Variants in NOS2 observed in about 807,000 individuals in gnomAD.
The protein encoded by NOS2 is nitric oxide synthase 2, also known as nitric oxide synthase, inducible.
Under a neutral mutation model 136.0 loss-of-function variants are expected in NOS2, and 96 were observed. The observed-to-expected ratio is 0.71, with a 90% CI of 0.60 to 0.84. NOS2 has a LOEUF of 0.84. Ranked by LOEUF, NOS2 falls within the 40% of genes least tolerant of loss-of-function variation. The probability of loss-of-function intolerance (pLI) is 0.00; values close to 1 mark genes in which losing one functional copy is unlikely to be tolerated. For synonymous variants in NOS2, 539 were observed against 587.5 expected, an observed-to-expected ratio of 0.92 and a Z score of 1.20; for missense variants, 1,237 against 1,496.9, an observed-to-expected ratio of 0.83 and a Z score of 2.87.
rs139747007 is a variant in NOS2 at position 27,783,016 on chromosome 17, G to A, written c.558C>T (p.Leu186=). ...GCCAGGCCTGCTTGGTGGCGAAGATGAGCTCATCTCCCGTCAGTTGGTAGG... is the reference window on the plus strand; with the variant it reads ...GCCAGGCCTGCTTGGTGGCGAAGATAAGCTCATCTCCCGTCAGTTGGTAGG... ...TGTYQLTGDE[L]IFATKQAWRN... The change falls in exon 6 of 27, where the codon CTC becomes CTT. Residue 186 remains leucine (L), a synonymous_variant. Transcript: ENST00000313735. The A allele has an allele frequency of 3.6e-5, 58 of 1,614,082 alleles. No individual in the cohort carries two copies. The African/African-American group carries it at 7.5e-4, about 21-fold the overall frequency.
intron 2 of NOS2, among the ~76,000 whole-genome samples, chr17:27,791,135 T>C (rs1359479269): frequency 6.6e-6 from 1 of 152,236 alleles, no homozygotes; most frequent in Non-Finnish European, 1.5e-5. Context: ...GATTTTTTAC[T>C]ATAAAGAGAT....
chr17:27,793,960 G>A (rs1415627323), intron 2 of NOS2, among the ~76,000 whole-genome samples: 1 of 152,252 alleles, frequency 6.6e-6, no homozygotes, highest in Non-Finnish European at 1.5e-5. Flanking sequence ...TAAGATGCCC[G>A]GGTCGTGTTG....
At chr17:27,798,990 C>T in intron 1 of NOS2, 108 bp from the exon 2 acceptor site, 1 of 593,512 alleles carries the variant, frequency 1.7e-6, no homozygotes, top group South Asian at 2.1e-5. Context: ...CAGCATGAGC[C>T]CCTTCATCAA....
rs138830499 is a variant in NOS2 at position 27,774,356 on chromosome 17, T to C, written c.1377A>G (p.Ala459=). 3.8e-6 allele frequency: 6 copies of C among 1,584,526 alleles called. No homozygotes were observed. In the African/African-American group the frequency reaches 4.1e-5, roughly 11 times the overall value. Reference sequence around the variant, plus strand: ...TGGGAGGGACCAGCCAAATCCAGTCTGCCGGGCAGCCCCCACGGGACCGGT... The same window carrying C: ...TGGGAGGGACCAGCCAAATCCAGTCCGCCGGGCAGCCCCCACGGGACCGGT... ...NEYRSRGGCP[A]DWIWLVPPMS... is the part of the protein sequence containing the mutation. The change falls in exon 12 of 27, where the codon GCA becomes GCG. Residue 459 remains alanine, a synonymous_variant. Coordinates refer to ENST00000313735, the MANE Select transcript of NOS2 (RefSeq NM_000625.4).
At chr17:27,799,759 T>C (rs1434579438) in intron 1 of NOS2, among the ~76,000 whole-genome samples, 1 of 150,496 alleles carries the variant, frequency 6.6e-6, no homozygotes, top group East Asian at 2.0e-4. Context: ...GGCAGAAGGA[T>C]TGCTTGAGGC....
chr17:27,795,678 G>A (rs1055277006), intron 2 of NOS2, among the ~76,000 whole-genome samples: 5 of 152,202 alleles, frequency 3.3e-5, no homozygotes, highest in African/African-American at 1.2e-4. Flanking sequence ...TTAACTTTCT[G>A]GGCTTCAGGG....
intron 26 of NOS2, among the ~76,000 whole-genome samples, chr17:27,758,401 C>T (rs1907997798): frequency 6.6e-6 from 1 of 152,136 alleles, no homozygotes; most frequent in Admixed American, 6.5e-5. Flanking sequence ...GCAGTATGCC[C>T]AGTGTAAGCC....
At chr17:27,775,697 T>A (rs922841478) in intron 11 of NOS2, among the ~76,000 whole-genome samples, 1 of 151,776 alleles carries the variant, frequency 6.6e-6, no homozygotes, top group Non-Finnish European at 1.5e-5. Context: ...GGTAAGAGCA[T>A]TGCTTGAGCC....
intron 2 of NOS2, chr17:27,793,837 G>A (rs1433523561): frequency 2.7e-6 from 1 of 371,358 alleles, no homozygotes; most frequent in Non-Finnish European, 4.8e-6. Context: ...GATGTCCCGG[G>A]CCGAGCTGCC....
chr17:27,792,549 G>A (rs1909223533), intron 2 of NOS2, among the ~76,000 whole-genome samples: 1 of 152,098 alleles, frequency 6.6e-6, no homozygotes, highest in South Asian at 2.1e-4. Flanking sequence ...CCAGACTCCA[G>A]GTGAGCACCT....
Position 27,798,765 on chromosome 17 carries a change from C to T in NOS2, c.45G>A (p.Gln15=). 6.2e-7 allele frequency: 1 copy of T among 1,614,078 alleles called. No homozygotes were observed. Among genetic ancestry groups the T allele is most frequent in the Non-Finnish European group, 8.5e-7 (1 of 1,179,944 alleles). ...WKFLFKTKFH[Q]YAMNGEKDIN... is the part of the protein sequence containing the mutation. ...TGTCTTTTTCCCCATTCATTGCATA[C>T]TGGTGGAATTTGGTCTTGAACAGAA... Residue 15 remains glutamine, a synonymous_variant, in exon 2 of 27, where the codon CAG becomes CAA. Coordinates refer to ENST00000313735, the MANE Select transcript of NOS2 (RefSeq NM_000625.4).
rs201540655 is a variant in NOS2 at position 27,780,830 on chromosome 17, C to T, written c.941G>A (p.Arg314His). ...TGGGATTTCGAAGAGCTCAGGGTCACGGCCATTGGCCTGCAGGACCAGGGG... is the reference window on the plus strand; with the variant it reads ...TGGGATTTCGAAGAGCTCAGGGTCATGGCCATTGGCCTGCAGGACCAGGGG... ...VVPLVLQANG[R>H]DPELFEIPPD... is the part of the protein sequence containing the mutation. The change falls in exon 9 of 27, where the codon CGT becomes CAT. Residue 314 changes from arginine (R) to histidine (H), a missense_variant. By Grantham distance (29) the Arg-to-His change is conservative (BLOSUM62 0). This residue lies in a region of NOS2 where 440 missense variants were observed against 545.4 expected (regional missense o/e 0.81). Transcript: ENST00000313735. 4.0e-5 allele frequency: 65 copies of T among 1,614,192 alleles called. 1 individual carries two copies. The East Asian group carries it at 9.8e-4, about 24-fold the overall frequency.
At chr17:27,790,238 C>T (rs1256048201) in intron 2 of NOS2, among the ~76,000 whole-genome samples, 3 of 152,168 alleles carry the variant, frequency 2.0e-5, no homozygotes, top group Non-Finnish European at 4.4e-5. Context: ...GGACTACAGG[C>T]GCACACCACC....
chr17:27,762,373 A>G (rs1908161154), intron 22 of NOS2, among the ~76,000 whole-genome samples: 1 of 152,180 alleles, frequency 6.6e-6, no homozygotes, highest in Non-Finnish European at 1.5e-5. Flanking sequence ...TTCAGGCTGC[A>G]TGATTGGGAA....
At chr17:27,760,544 T>C in intron 24 of NOS2, 79 bp downstream of exon 24, 1 of 1,537,208 alleles carries the variant, frequency 6.5e-7, no homozygotes, top group Non-Finnish European at 8.8e-7. Context: ...TCAGGAACCG[T>C]TTGTGGGGCT....
intron 16 of NOS2, 86 bp from the exon 17 acceptor site, chr17:27,769,237 G>T: frequency 7.7e-7 from 1 of 1,306,256 alleles, no homozygotes; most frequent in Non-Finnish European, 1.0e-6. Flanking sequence ...TGGAGAGCCA[G>T]CCCCAGACTC....
Position 27,781,998 on chromosome 17 carries a change from G to A in NOS2, c.722+17C>T, listed in dbSNP as rs1292924261. On this transcript the variant is annotated intron_variant, in intron 7 of 26. Transcript: ENST00000313735. ...GCAAGGCAAGCCCCTCTGCAGCCCTGGGAAATGTGCACCGACCTGATGTTG... is the reference window on the plus strand; with the variant it reads ...GCAAGGCAAGCCCCTCTGCAGCCCTAGGAAATGTGCACCGACCTGATGTTG... 2 of 1,610,972 alleles carry A rather than the reference G, an allele frequency of 1.2e-6. No homozygotes were observed. Among genetic ancestry groups the A allele is most frequent in the African/African-American group, 1.3e-5 (1 of 74,950 alleles).
chr17:27,788,913 C>A lies in NOS2; in HGVS notation c.214G>T (p.Val72Phe). The A allele has an allele frequency of 6.2e-7, 1 of 1,614,062 alleles. No homozygotes were observed. Among genetic ancestry groups the A allele is most frequent in the South Asian group, 1.1e-5 (1 of 91,048 alleles). The part of the protein sequence containing the change: ...ETGKKSPESL[V>F]KLDATPLSSP... Reference sequence around the variant, plus strand: ...GACAATGGGGTTGCATCCAGCTTGACCAGAGATTCTGGAGACTTCTGCAAG... The same window carrying A: ...GACAATGGGGTTGCATCCAGCTTGAACAGAGATTCTGGAGACTTCTGCAAG... The change falls in exon 4 of 27, where the codon GTC (valine) becomes TTC (phenylalanine). Residue 72 changes from valine to phenylalanine, a missense_variant. Physicochemically the swap from Val to Phe is conservative, Grantham distance 50. Coordinates refer to ENST00000313735, the MANE Select transcript of NOS2 (RefSeq NM_000625.4).
At chr17:27,799,255 G>A (rs1425367970) in intron 1 of NOS2, among the ~76,000 whole-genome samples, 1 of 152,178 alleles carries the variant, frequency 6.6e-6, no homozygotes, top group Non-Finnish European at 1.5e-5. Context: ...AAACAGGGGT[G>A]CCTTTGCCTG....
Sources: gnomAD v4.1 joint callset for allele counts (sites outside exome capture counted in the v4.1 genomes callset) on GRCh38, gnomAD v4.1.1 for gene constraint, gnomAD v4.1.1 regional missense constraint, MANE v1.5 for transcripts, NCBI Gene and HGNC (gene_info 2026-07-23, HGNC 2026-07-21) for gene names.